Variants in GJB7 observed in about 807,000 individuals in gnomAD.
GJB7 encodes gap junction protein beta 7.
For synonymous variants in GJB7, 87 were observed against 95.2 expected (o/e 0.91, Z 0.50); for missense variants, 253 against 256.8 (o/e 0.99, Z 0.10).
chr6:87,321,372 T>TC (rs1330712385), intron 2 of GJB7, among the ~76,000 whole-genome samples: 1 of 152,168 alleles, frequency 6.6e-6, no homozygotes, highest in Non-Finnish European at 1.5e-5. Flanking sequence ...TTCTTTCAGG[T>TC]CCCACTATGT....
At chr6:87,320,608 C>T (rs1210211975) in intron 2 of GJB7, among the ~76,000 whole-genome samples, 1 of 152,172 alleles carries the variant, frequency 6.6e-6, no homozygotes, top group African/African-American at 2.4e-5. Flanking sequence ...TGATTTTATA[C>T]ATTTTAGAGA....
chr6:87,284,787 G>T lies in GJB7; in HGVS notation c.126C>A (p.His42Gln). Residue 42 changes from histidine (H) to glutamine (Q), a missense_variant, in exon 3 of 3, where the codon CAC (histidine) becomes CAA (glutamine). By Grantham distance (24) the His-to-Gln change is conservative (BLOSUM62 0). Transcript: ENST00000525899. Reference protein sequence around the residue: ...RLLVYMVAAEHVWKDEQKEFE... With the variant: ...RLLVYMVAAEQVWKDEQKEFE... ...ACTCTTTCTGCTCATCTTTCCACAC[G>T]TGCTCTGCTGCCACCATGTAGACCA... The T allele has an allele frequency of 6.2e-7, 1 of 1,614,068 alleles. No individual in the cohort carries two copies. The highest frequency in any genetic ancestry group is 8.5e-7 in the Non-Finnish European group (1 of 1,180,016).
intron 2 of GJB7, among the ~76,000 whole-genome samples, chr6:87,304,630 A>G (rs1182354994): frequency 3.3e-5 from 5 of 152,222 alleles, no homozygotes; most frequent in Non-Finnish European, 4.4e-5. Context: ...TTCTGAAACT[A>G]TTCCAATCAA....
At chr6:87,286,734 G>A (rs1228141893) in intron 2 of GJB7, among the ~76,000 whole-genome samples, 2 of 152,086 alleles carry the variant, frequency 1.3e-5, no homozygotes, top group Non-Finnish European at 2.9e-5. Flanking sequence ...CTTTTGAGTT[G>A]ATCTCTCAAA....
intron 1 of GJB7, among the ~76,000 whole-genome samples, chr6:87,324,052 T>G (rs1235689208): frequency 6.6e-6 from 1 of 150,876 alleles, no homozygotes; most frequent in Non-Finnish European, 1.5e-5. Flanking sequence ...TCATGTGTGT[T>G]TTGGCTGCAT....
At chr6:87,302,697 G>A (rs1338086788) in intron 2 of GJB7, among the ~76,000 whole-genome samples, 13 of 152,080 alleles carry the variant, frequency 8.5e-5, no homozygotes, top group South Asian at 4.2e-4. Context: ...GATACTCCTC[G>A]AGAAGAGCAA....
At position 87,284,618 on chromosome 6, in the gene GJB7, C is replaced by T; in HGVS notation, c.295G>A (p.Glu99Lys). Residue 99 changes from glutamate (E) to lysine (K), a missense_variant, in exon 3 of 3, where the codon GAG becomes AAG. Transcript: ENST00000525899. ...LLVVLHVAYH[E>K]GREKRHRKKL... The stretch of plus-strand genomic sequence containing the variant: ...TTTCTGTGCCTTTTCTCTCTACCCT[C>T]ATGATAGGCTACATGTAAAACCACC... The T allele has an allele frequency of 6.2e-7, 1 of 1,614,164 alleles. No individual in the cohort carries two copies.
chr6:87,297,461 A>T (rs6938885), intron 2 of GJB7, among the ~76,000 whole-genome samples: 2 of 152,056 alleles, frequency 1.3e-5, no homozygotes, highest in Admixed American at 1.3e-4. Flanking sequence ...GAGAAACTTA[A>T]TGGAAGTTTT....
intron 1 of GJB7, among the ~76,000 whole-genome samples, chr6:87,328,110 T>A (rs1377947666): frequency 3.3e-5 from 5 of 152,324 alleles, no homozygotes; most frequent in African/African-American, 1.2e-4. Flanking sequence ...CTCCATCAGC[T>A]CCTTTAAGCA....
At chr6:87,285,079 G>A (rs1403700549) in intron 2 of GJB7, 140 bp from the exon 3 acceptor site, 7 of 610,834 alleles carry the variant, frequency 1.1e-5, no homozygotes, top group Admixed American at 3.0e-5. Context: ...TAAGAATCCC[G>A]AAGGATATGC....
intron 1 of GJB7, among the ~76,000 whole-genome samples, chr6:87,324,468 A>G (rs1269796089): frequency 1.3e-5 from 2 of 150,616 alleles, no homozygotes; most frequent in East Asian, 3.9e-4. Flanking sequence ...GAAGGGATCC[A>G]GTTTCAGCTT....
intron 2 of GJB7, chr6:87,322,524 G>C (rs958429182): frequency 7.2e-5 from 11 of 152,480 alleles, no homozygotes; most frequent in African/African-American, 2.2e-4. Flanking sequence ...CGGAAGACAG[G>C]GGACGCTGTG....
At chr6:87,287,667 CT>C (rs1440937596) in intron 2 of GJB7, among the ~76,000 whole-genome samples, 2 of 152,088 alleles carry the variant, frequency 1.3e-5, no homozygotes, top group Non-Finnish European at 2.9e-5. Context: ...ATATGTTTCC[CT>C]ATGACATGTA....
intron 2 of GJB7, among the ~76,000 whole-genome samples, chr6:87,317,230 G>C (rs548796272): frequency 1.4e-4 from 21 of 151,306 alleles, no homozygotes; most frequent in African/African-American, 5.1e-4. Flanking sequence ...CGGGCATGAT[G>C]GCACACGCCT....
intron 2 of GJB7, among the ~76,000 whole-genome samples, chr6:87,318,699 G>A (rs1776618027): frequency 6.6e-6 from 1 of 152,108 alleles, no homozygotes; most frequent in African/African-American, 2.4e-5. Flanking sequence ...ATAAAGGTGG[G>A]GACACAGGGA....
chr6:87,304,408 T>A (rs1224869295), intron 2 of GJB7, among the ~76,000 whole-genome samples: 10 of 152,102 alleles, frequency 6.6e-5, no homozygotes, highest in Admixed American at 1.3e-4. Context: ...TCTATACAAA[T>A]AAACTAGAAA....
At chr6:87,328,323 G>T (rs1354545476) in intron 1 of GJB7, among the ~76,000 whole-genome samples, 1 of 152,154 alleles carries the variant, frequency 6.6e-6, no homozygotes, top group East Asian at 1.9e-4. Context: ...AGGAGGAGAG[G>T]CACTCTGCTT....
Position 87,295,029 on chromosome 6 carries a change from A to G in GJB7, c.-27-10090T>C, listed in dbSNP as rs1298152318. 5.9e-5 allele frequency among the ~76,000 whole-genome samples: 9 copies of G among 152,320 alleles called. No individual in the cohort carries two copies. The East Asian group carries it at 1.7e-3, about 29-fold the overall frequency. The stretch of plus-strand genomic sequence containing the variant: ...GCTTCACAGTGTTTTTATAATGGTT[A>G]AATGAAACAACAGCTGCTCAATAGA... On this transcript the variant is annotated intron_variant, in intron 2 of 2. Coordinates refer to ENST00000525899, the MANE Select transcript of GJB7 (RefSeq NM_198568.3).
chr6:87,325,844 C>T (rs1003698506), intron 1 of GJB7, among the ~76,000 whole-genome samples: 1 of 152,246 alleles, frequency 6.6e-6, no homozygotes, highest in Non-Finnish European at 1.5e-5. Flanking sequence ...AGGAATGGTA[C>T]CAGTTCCTCC....
Sources: gnomAD v4.1 joint callset for allele counts (sites outside exome capture counted in the v4.1 genomes callset) on GRCh38, gnomAD v4.1.1 for gene constraint, MANE v1.5 for transcripts, NCBI Gene and HGNC (gene_info 2026-07-23, HGNC 2026-07-21) for gene names.